Variants in BIN1 observed in about 807,000 individuals in gnomAD.
BIN1 encodes the protein bridging integrator 1, also known as myc box-dependent-interacting protein 1.
Under a neutral mutation model 82.0 loss-of-function variants are expected in BIN1, and 53 were observed. That is an observed-to-expected ratio of 0.65 (90% confidence interval 0.52 to 0.81). BIN1 has a LOEUF of 0.81. Among genes scored for constraint, BIN1 ranks in the 40% least tolerant of loss-of-function variants. BIN1 has a pLI of 0.00. For synonymous variants in BIN1, 302 were observed against 328.0 expected, an observed-to-expected ratio of 0.92 and a Z score of 0.86; for missense variants, 642 against 784.4, an observed-to-expected ratio of 0.82 and a Z score of 2.17.
At chr2:127,084,493 A>G (rs1048271580) in intron 1 of BIN1, among the ~76,000 whole-genome samples, 2 of 152,208 alleles carry the variant, frequency 1.3e-5, no homozygotes, top group Non-Finnish European at 2.9e-5. Context: ...CTCAGCCTGC[A>G]CTGTCCCTGC....
At chr2:127,099,995 G>C (rs76861422) in intron 1 of BIN1, among the ~76,000 whole-genome samples, 1 of 151,906 alleles carries the variant, frequency 6.6e-6, no homozygotes, top group Non-Finnish European at 1.5e-5. Context: ...TAGAGACGGG[G>C]TTTCACCATG....
chr2:127,070,486 A>G (rs754491452), intron 4 of BIN1, 67 bp downstream of exon 4: 3 of 1,570,606 alleles, frequency 1.9e-6, no homozygotes, highest in Non-Finnish European at 2.6e-6. Context: ...AGGGCACGGC[A>G]GAGTGGGACA....
intron 13 of BIN1, 173 bp from the exon 14 acceptor site, chr2:127,053,618 CA>C: frequency 2.3e-6 from 2 of 879,296 alleles, no homozygotes; most frequent in Middle Eastern, 6.1e-4. Context: ...GAGCTCCCGA[CA>C]CCTCTCAGGG....
At chr2:127,081,220 G>A (rs537091099) in intron 1 of BIN1, among the ~76,000 whole-genome samples, 1 of 152,320 alleles carries the variant, frequency 6.6e-6, no homozygotes, top group South Asian at 2.1e-4. Flanking sequence ...TGAGCCAGGA[G>A]CAGCTCACCA....
chr2:127,106,668 C>A (rs1382022511), intron 1 of BIN1, among the ~76,000 whole-genome samples, 192 bp downstream of exon 1: 2 of 152,176 alleles, frequency 1.3e-5, no homozygotes, highest in Non-Finnish European at 2.9e-5. Flanking sequence ...AGGACGCAAA[C>A]CTAAGAGGGC....
intron 1 of BIN1, among the ~76,000 whole-genome samples, chr2:127,098,867 C>T (rs1208148520): frequency 3.9e-5 from 6 of 152,358 alleles, no homozygotes; most frequent in Non-Finnish European, 8.8e-5. Flanking sequence ...AGGCAGGACT[C>T]CTCGGCTGGG....
intron 7 of BIN1, 106 bp from the exon 8 acceptor site, chr2:127,064,124 G>T: frequency 7.6e-7 from 1 of 1,320,812 alleles, no homozygotes; most frequent in South Asian, 1.2e-5. Flanking sequence ...AGTGCGCTGG[G>T]ACCAGGGCTC....
intron 2 of BIN1, among the ~76,000 whole-genome samples, chr2:127,072,991 C>T (rs947177154): frequency 6.6e-6 from 1 of 152,234 alleles, no homozygotes; most frequent in Non-Finnish European, 1.5e-5. Flanking sequence ...CAGGCCTCCA[C>T]CATCCCAGCC....
At position 127,059,054 on chromosome 2, in the gene BIN1, C is replaced by G; in HGVS notation, c.959G>C (p.Gly320Ala). The G allele has an allele frequency of 6.4e-7, 1 of 1,574,562 alleles. No homozygotes were observed. Among genetic ancestry groups the G allele is most frequent in the Admixed American group, 1.9e-5 (1 of 53,742 alleles). The change falls in exon 11 of 19, where the codon GGC becomes GCC. Residue 320 changes from glycine to alanine, a missense_variant. Gly to Ala is a moderately conservative substitution (Grantham distance 60). Coordinates refer to ENST00000316724, the MANE Select transcript of BIN1 (RefSeq NM_139343.3). This position sits in a 1 kb window ranked among gnomAD's most constrained non-coding sequence, Gnocchi z 6.7. ...GAGGGTGGCCCCGGGCGTGGCCCCGCCGGCCGGCTCTGGCTCGTGGTTGAC... is the reference window on the plus strand; with the variant it reads ...GAGGGTGGCCCCGGGCGTGGCCCCGGCGGCCGGCTCTGGCTCGTGGTTGAC... ...IRVNHEPEPAGGATPGATLPK... is the reference protein window; with the variant it reads ...IRVNHEPEPAAGATPGATLPK...
rs757814365 is a variant in BIN1 at position 127,050,481 on chromosome 2, C to T, written c.1614G>A (p.Glu538=). Residue 538 remains glutamate, a synonymous_variant, in exon 18 of 19, where the codon GAG becomes GAA. Coordinates refer to ENST00000316724, the MANE Select transcript of BIN1 (RefSeq NM_139343.3). ...QHDYTATDTD[E]LQLKAGDVVL... is the part of the protein sequence containing the mutation. ...CCACATCACCAGCCTTGAGCTGCAG[C>T]TCGTCTGTGTCAGTGGCCGTGTAGT... 6.2e-7 allele frequency: 1 copy of T among 1,614,258 alleles called. No homozygotes were observed. The highest frequency in any genetic ancestry group is 1.7e-5 in the Admixed American group (1 of 60,036).
In BIN1 at chr2:127,093,245, G is replaced by A. The variant is rs963020275; in HGVS notation, c.84+13615C>T. Among the ~76,000 whole-genome samples, 3 of 152,208 alleles carry A rather than the reference G, an allele frequency of 2.0e-5. No individual in the cohort carries two copies. The highest frequency in any genetic ancestry group is 7.2e-5 in the African/African-American group (3 of 41,456). On this transcript the variant is annotated intron_variant, in intron 1 of 18. Coordinates refer to ENST00000316724, the MANE Select transcript of BIN1 (RefSeq NM_139343.3). This position sits in a 1 kb window ranked among gnomAD's most constrained non-coding sequence, Gnocchi z 5.7. ...GCTCACTGCAGACTCTGAACAAAGG[G>A]CATGTGAAAGGCCTCAGAGGTAAGC... is the stretch of plus-strand genomic sequence containing the variant.
intron 2 of BIN1, among the ~76,000 whole-genome samples, chr2:127,075,910 C>T (rs1296898995): frequency 3.4e-5 from 5 of 147,276 alleles, no homozygotes; most frequent in East Asian, 2.0e-4. Flanking sequence ...TGCCCCCAAC[C>T]GCCCTCTCCC....
At chr2:127,102,275 G>A (rs997556714) in intron 1 of BIN1, among the ~76,000 whole-genome samples, 3 of 152,162 alleles carry the variant, frequency 2.0e-5, no homozygotes, top group African/African-American at 7.2e-5. Flanking sequence ...GGACCAGCTG[G>A]GCTGGACGCT....
intron 1 of BIN1, among the ~76,000 whole-genome samples, chr2:127,100,999 C>CCGGGGGG (rs1680248511): frequency 9.8e-6 from 1 of 101,732 alleles, no homozygotes; most frequent in South Asian, 3.2e-4. Flanking sequence ...TAGGAATGTG[C>CCGGGGGG]GGGGGGTGGG....
rs1156884541 is a variant in BIN1 at position 127,048,484 on chromosome 2, G to A, written c.*42C>T. ...AAAAGAACCACACATTTTTCGGGAG[G>A]AGGTGTTCTTCACACGCCCGGAGGC... On this transcript the variant is annotated 3_prime_UTR_variant, in exon 19 of 19. Transcript: ENST00000316724. 3 of 1,548,596 alleles carry A rather than the reference G, an allele frequency of 1.9e-6. No homozygotes were observed. The highest frequency in any genetic ancestry group is 2.7e-5 in the African/African-American group (2 of 73,496).
chr2:127,100,509 T>C (rs1161502539), intron 1 of BIN1, among the ~76,000 whole-genome samples: 1 of 152,188 alleles, frequency 6.6e-6, no homozygotes, highest in Non-Finnish European at 1.5e-5. Context: ...GACGGCCCAC[T>C]GGGGAGTCAC....
At chr2:127,070,112 CAG>C (rs1304667949) in intron 4 of BIN1, 22 bp from the exon 5 acceptor site, 1 of 1,608,270 alleles carries the variant, frequency 6.2e-7, no homozygotes. Flanking sequence ...AAGAGCACGA[CAG>C]TGCCACCAGG....
intron 1 of BIN1, among the ~76,000 whole-genome samples, chr2:127,104,895 G>T (rs1680836300): frequency 1.3e-5 from 2 of 152,178 alleles, no homozygotes; most frequent in Non-Finnish European, 2.9e-5. Context: ...GTTTCTGATG[G>T]GGGGAGGGTC....
At chr2:127,105,472 CT>C (rs1680949233) in intron 1 of BIN1, among the ~76,000 whole-genome samples, 2 of 59,120 alleles carry the variant, frequency 3.4e-5, no homozygotes, top group Admixed American at 1.4e-4. Context: ...TTAATCCCTC[CT>C]CCTCCTCCTC....
Sources: allele counts gnomAD v4.1 joint callset (sites outside exome capture counted in the v4.1 genomes callset), GRCh38; gene constraint gnomAD v4.1.1; non-coding constraint Gnocchi (gnomAD v3.1); transcripts MANE v1.5; gene names NCBI Gene and HGNC (gene_info 2026-07-23, HGNC 2026-07-21).